Variants in NALF2 observed in about 807,000 individuals in gnomAD.
The protein encoded by NALF2 is NALCN channel auxiliary factor 2, also known as bB57D9.1 (TED protein).
NALF2 carries 1 observed loss-of-function variant against 24.8 expected under a neutral mutation model. The ratio of observed to expected loss-of-function variants is 0.04; its 90% confidence interval spans 0.01 to 0.19. The LOEUF (loss-of-function observed/expected upper bound fraction) is 0.19. NALF2 is among the 10% of genes least tolerant of loss of function. NALF2 has a pLI of 1.00. For missense variants in NALF2, 458 were observed against 409.6 expected (o/e 1.12, Z -1.02); for synonymous variants, 254 against 189.8 (o/e 1.34, Z -2.78).
chrX:69,527,188 T>C (rs1930820293), intron 1 of NALF2, among the ~76,000 whole-genome samples: 2 of 112,029 alleles, frequency 1.8e-5, no homozygotes, highest in African/African-American at 6.5e-5. Flanking sequence ...TTCATGGCAC[T>C]CACTGAAATG....
chrX:69,530,906 G>A lies in NALF2; in HGVS notation c.*950G>A, dbSNP rs1267572351. On this transcript the variant is annotated 3_prime_UTR_variant, in exon 3 of 3. Transcript: ENST00000252338. ...GCACATACTCCCAAGGGCCACTCTTGCCCTGGAGATCTTGGCCTTGGGGCC... is the reference window on the plus strand; with the variant it reads ...GCACATACTCCCAAGGGCCACTCTTACCCTGGAGATCTTGGCCTTGGGGCC... The A allele has an allele frequency of 1.8e-5, 2 of 113,106 alleles. No individual in the cohort carries two copies. The highest frequency in any genetic ancestry group is 6.4e-5 in the African/African-American group (2 of 31,065). The allele number at this position is 113,106 out of a possible 1,213,427, so 9.3% of individuals were successfully genotyped here. A position where few individuals can be genotyped will look rare whatever the true frequency, so the allele number is the denominator to read the frequency against.
intron 1 of NALF2, among the ~76,000 whole-genome samples, chrX:69,524,280 CAG>C (rs1294466806): frequency 1.8e-5 from 2 of 109,545 alleles, no homozygotes; most frequent in Non-Finnish European, 3.8e-5. Flanking sequence ...TATGTAGAGA[CAG>C]GGTTTCACCA....
chrX:69,529,812 C>T lies in NALF2; in HGVS notation c.1275C>T (p.Arg425=). Reference sequence around the variant, plus strand: ...TGCTGCCGGTCTCTGGGGGCTCCCGCCTCAGCCCTAGCAGGATCCGGCTCT... The same window carrying T: ...TGCTGCCGGTCTCTGGGGGCTCCCGTCTCAGCCCTAGCAGGATCCGGCTCT... ...PALLPVSGGS[R]LSPSRIRLCV... Residue 425 remains arginine (R), a synonymous_variant, in exon 3 of 3, where the codon CGC becomes CGT. Coordinates refer to ENST00000252338, the MANE Select transcript of NALF2 (RefSeq NM_015686.3). The T allele has an allele frequency of 8.3e-7, 1 of 1,211,891 alleles. No homozygotes were observed. The highest frequency in any genetic ancestry group is 1.1e-6 in the Non-Finnish European group (1 of 895,476).
intron 1 of NALF2, among the ~76,000 whole-genome samples, chrX:69,522,664 G>A (rs1930749331): frequency 8.9e-6 from 1 of 112,198 alleles, no homozygotes; most frequent in African/African-American, 3.2e-5. Flanking sequence ...GTGAACTACT[G>A]TCCCCAGAGT....
At chrX:69,522,340 T>C (rs1372991281) in intron 1 of NALF2, among the ~76,000 whole-genome samples, 1 of 111,749 alleles carries the variant, frequency 8.9e-6, no homozygotes, top group Admixed American at 9.5e-5. Flanking sequence ...TGCTCCTACA[T>C]TAGGAACACT....
At chrX:69,522,772 C>T (rs1930750867) in intron 1 of NALF2, among the ~76,000 whole-genome samples, 1 of 112,072 alleles carries the variant, frequency 8.9e-6, no homozygotes, top group Non-Finnish European at 1.9e-5. Flanking sequence ...ACTAGGAGCA[C>T]TTGGCTCTTT....
intron 1 of NALF2, among the ~76,000 whole-genome samples, chrX:69,515,198 A>G (rs1930644931): frequency 8.9e-6 from 1 of 112,064 alleles, no homozygotes; most frequent in South Asian, 3.7e-4. Context: ...TATAAAGAAA[A>G]CATTAATGTT....
At chrX:69,524,257 C>A (rs1349034680) in intron 1 of NALF2, among the ~76,000 whole-genome samples, 1 of 109,510 alleles carries the variant, frequency 9.1e-6, no homozygotes, top group Admixed American at 9.7e-5. Context: ...ACCACCACAC[C>A]CAGCTATGTT....
intron 1 of NALF2, among the ~76,000 whole-genome samples, chrX:69,511,902 T>C (rs1165667765): frequency 8.9e-6 from 1 of 112,127 alleles, no homozygotes. Context: ...GTATACTCAC[T>C]TTTTTACATG....
chrX:69,528,981 C>T lies in NALF2; in HGVS notation c.862-12C>T, dbSNP rs765403234. ...CTGGCACATGGGCTGATGCTCTTTC[C>T]TCTCCCCACAGGCTGTCTACAAGGC... is the stretch of plus-strand genomic sequence containing the variant. On this transcript the variant is annotated splice_polypyrimidine_tract_variant and intron_variant, in intron 1 of 2. Transcript: ENST00000252338. 2 of 1,198,852 alleles carry T rather than the reference C, an allele frequency of 1.7e-6. No homozygotes were observed. The highest frequency in any genetic ancestry group is 3.5e-5 in the African/African-American group (2 of 57,540).
chrX:69,511,000 C>T (rs746457026), intron 1 of NALF2, among the ~76,000 whole-genome samples: 14 of 109,294 alleles, frequency 1.3e-4, no homozygotes, highest in Admixed American at 1.9e-4. Context: ...CACGTTAGCT[C>T]ACACCCAACA....
At chrX:69,522,849 C>T (rs1156479848) in intron 1 of NALF2, among the ~76,000 whole-genome samples, 1 of 112,568 alleles carries the variant, frequency 8.9e-6, no homozygotes, top group East Asian at 2.8e-4. Flanking sequence ...TACAAAGAGG[C>T]ATCAGGTTAG....
In NALF2 at chrX:69,504,519, G is replaced by C. The variant is rs1311147689; in HGVS notation, c.-764G>C. Among the ~76,000 whole-genome samples the C allele has an allele frequency of 8.8e-6, 1 of 113,404 alleles. No individual in the cohort carries two copies. Among genetic ancestry groups the C allele is most frequent in the Non-Finnish European group, 1.9e-5 (1 of 53,265 alleles). On this transcript the variant is annotated 5_prime_UTR_variant, in exon 1 of 3. Transcript: ENST00000252338. Reference sequence around the variant, plus strand: ...AGCGGTGCGAACGAGAGGCGGAAGCGAGAGGCGCACTAAGTAAAGCCCGGT... The same window carrying C: ...AGCGGTGCGAACGAGAGGCGGAAGCCAGAGGCGCACTAAGTAAAGCCCGGT...
intron 1 of NALF2, among the ~76,000 whole-genome samples, chrX:69,526,662 G>A (rs1772417885): frequency 9.0e-6 from 1 of 111,309 alleles, no homozygotes; most frequent in African/African-American, 3.3e-5. Flanking sequence ...GAATAATGAG[G>A]GCAGCATCCT....
chrX:69,508,391 T>C (rs183923894), intron 1 of NALF2, among the ~76,000 whole-genome samples: 382 of 110,502 alleles, frequency 3.5e-3, no homozygotes, highest in African/African-American at 0.012. Flanking sequence ...GCCCACGTGT[T>C]TTGGTGCCAA....
chrX:69,506,353 A>G (rs1398778678), intron 1 of NALF2, among the ~76,000 whole-genome samples: 11 of 112,518 alleles, frequency 9.8e-5, no homozygotes, highest in Non-Finnish European at 1.5e-4. Flanking sequence ...ACTTCTATTA[A>G]TTCCGGGTTT....
rs1163035513 is a variant in NALF2, at chrX:69,504,841, A to G, written c.-442A>G. On this transcript the variant is annotated 5_prime_UTR_variant, in exon 1 of 3. Coordinates refer to ENST00000252338, the MANE Select transcript of NALF2 (RefSeq NM_015686.3). ...CGGCGGGGCCCGCACGGCGGCGCTG[A>G]GGGGCGCAGAGCTGCGCCGAACCGA... Among the ~76,000 whole-genome samples, 2 of 107,077 alleles carry G rather than the reference A, an allele frequency of 1.9e-5. No homozygotes were observed. The highest frequency in any genetic ancestry group is 3.9e-5 in the Non-Finnish European group (2 of 51,162). 93.0% of individuals were successfully genotyped at this position (107,077 alleles called of 115,157 possible). A position where few individuals can be genotyped will look rare whatever the true frequency, so the allele number is the denominator to read the frequency against.
chrX:69,522,823 G>A (rs1930751624), intron 1 of NALF2, among the ~76,000 whole-genome samples: 1 of 112,327 alleles, frequency 8.9e-6, no homozygotes, highest in South Asian at 3.7e-4. Flanking sequence ...ACTTCTCTGT[G>A]TGCTGATGGA....
intron 1 of NALF2, among the ~76,000 whole-genome samples, chrX:69,524,645 G>T (rs181551939): frequency 1.8e-5 from 1 of 56,908 alleles, no homozygotes; most frequent in Non-Finnish European, 2.8e-5. Flanking sequence ...AACCTCCCCC[G>T]TCAACCCCTG....
Sources: allele counts gnomAD v4.1 joint callset (sites outside exome capture counted in the v4.1 genomes callset), GRCh38; gene constraint gnomAD v4.1.1; transcripts MANE v1.5; gene names NCBI Gene and HGNC (gene_info 2026-07-23, HGNC 2026-07-21).